The following LRRC4C variants were observed in gnomAD, a reference collection of about 807,000 sequenced individuals.
LRRC4C encodes leucine rich repeat containing 4C.
A neutral mutation model predicts 33.6 loss-of-function variants in LRRC4C; 5 were observed. The observed-to-expected ratio is 0.15, with a 90% CI of 0.08 to 0.31. The LOEUF is 0.31. Ranked by LOEUF, LRRC4C falls within the 10% of genes least tolerant of loss-of-function variation. The probability of loss-of-function intolerance (pLI) is 1.00; values close to 1 mark genes in which losing one functional copy is unlikely to be tolerated. For missense variants in LRRC4C, 560 were observed against 796.7 expected (o/e 0.70, Z 3.58); for synonymous variants, 329 against 302.0 (o/e 1.09, Z -0.93).
intron 2 of LRRC4C, among the ~76,000 whole-genome samples, chr11:40,930,614 A>G (rs1292691711): frequency 2.6e-5 from 4 of 152,168 alleles, no homozygotes; most frequent in African/African-American, 4.8e-5. Flanking sequence ...GAGACCTCCC[A>G]TCTTAAAGTG....
At chr11:41,384,788 A>G (rs1335365904) in intron 1 of LRRC4C, among the ~76,000 whole-genome samples, 2 of 149,726 alleles carry the variant, frequency 1.3e-5, no homozygotes, top group Non-Finnish European at 3.0e-5. Context: ...TTGCATATGA[A>G]TTTTAAAACT....
At chr11:40,620,793 A>G (rs1468696871) in intron 3 of LRRC4C, among the ~76,000 whole-genome samples, 2 of 151,868 alleles carry the variant, frequency 1.3e-5, no homozygotes, top group Non-Finnish European at 2.9e-5. Context: ...TTTGCATGTA[A>G]GAATCCTAAC....
chr11:40,491,720 C>A (rs2861922), intron 3 of LRRC4C, among the ~76,000 whole-genome samples: 20 of 152,030 alleles, frequency 1.3e-4, no homozygotes, highest in Admixed American at 4.6e-4. Flanking sequence ...AACGTGCTTC[C>A]TATTTAATAA....
At chr11:40,785,382 C>G (rs1045114413) in intron 2 of LRRC4C, among the ~76,000 whole-genome samples, 1 of 152,124 alleles carries the variant, frequency 6.6e-6, no homozygotes, top group Non-Finnish European at 1.5e-5. Context: ...TTGCCTAACT[C>G]TTAATTTGAT....
At chr11:40,971,366 G>A (rs955674646) in intron 1 of LRRC4C, among the ~76,000 whole-genome samples, 1 of 152,192 alleles carries the variant, frequency 6.6e-6, no homozygotes, top group Admixed American at 6.5e-5. Context: ...CCCAGATACA[G>A]TTTGAGCTAC....
At chr11:40,698,725 C>T (rs979213269) in intron 2 of LRRC4C, among the ~76,000 whole-genome samples, 1 of 152,058 alleles carries the variant, frequency 6.6e-6, no homozygotes, top group African/African-American at 2.4e-5. Flanking sequence ...TTAATAAACT[C>T]ATAGTTCCAC....
At chr11:40,385,530 A>C (rs528513910) in intron 3 of LRRC4C, among the ~76,000 whole-genome samples, 49 of 152,224 alleles carry the variant, frequency 3.2e-4, no homozygotes, top group Middle Eastern at 3.4e-3. Flanking sequence ...CAGACATTGA[A>C]GACTACTAGA....
At chr11:40,816,163 G>A (rs4611189) in intron 2 of LRRC4C, among the ~76,000 whole-genome samples, 5,267 of 152,232 alleles carry the variant, frequency 0.035, 181 homozygotes, top group African/African-American at 0.086. Flanking sequence ...AGTTTTACAC[G>A]TATTGACTAT....
At chr11:40,610,365 A>G (rs1038595895) in intron 3 of LRRC4C, among the ~76,000 whole-genome samples, 3 of 151,806 alleles carry the variant, frequency 2.0e-5, no homozygotes, top group Non-Finnish European at 4.4e-5. Flanking sequence ...GAATAATATT[A>G]CCTCAAAATA....
At chr11:41,297,593 C>G (rs1950177967) in intron 1 of LRRC4C, among the ~76,000 whole-genome samples, 1 of 151,916 alleles carries the variant, frequency 6.6e-6, no homozygotes, top group South Asian at 2.1e-4. Context: ...AAATGATATC[C>G]CTGCCCTTGC....
chr11:40,673,982 C>T (rs1258356784), intron 2 of LRRC4C, among the ~76,000 whole-genome samples: 1 of 152,168 alleles, frequency 6.6e-6, no homozygotes, highest in Admixed American at 6.5e-5. Context: ...CTTTCTTCCC[C>T]AGCAGTTACC....
At chr11:40,173,571 A>C (rs1008362710) in intron 5 of LRRC4C, among the ~76,000 whole-genome samples, 1 of 152,272 alleles carries the variant, frequency 6.6e-6, no homozygotes, top group African/African-American at 2.4e-5. Flanking sequence ...GCATCCTTTA[A>C]GCCCAATCCT....
intron 3 of LRRC4C, among the ~76,000 whole-genome samples, chr11:40,561,394 T>C (rs1230904072): frequency 6.7e-6 from 1 of 150,064 alleles, no homozygotes; most frequent in East Asian, 2.0e-4. Flanking sequence ...CTTTATTCTT[T>C]GTTCTGAGGA....
At chr11:41,266,002 T>G (rs1030806540) in intron 1 of LRRC4C, among the ~76,000 whole-genome samples, 20 of 152,218 alleles carry the variant, frequency 1.3e-4, no homozygotes, top group Admixed American at 3.9e-4. Context: ...CTTAGTTATA[T>G]CACATGGTAG....
chr11:40,380,020 G>A (rs891404841), intron 3 of LRRC4C, among the ~76,000 whole-genome samples: 7 of 152,138 alleles, frequency 4.6e-5, no homozygotes, highest in South Asian at 2.1e-4. Flanking sequence ...CCTCTCAGAC[G>A]TCTCACAGAG....
At chr11:40,904,670 G>C (rs1956342224) in intron 2 of LRRC4C, among the ~76,000 whole-genome samples, 1 of 152,078 alleles carries the variant, frequency 6.6e-6, no homozygotes, top group South Asian at 2.1e-4. Context: ...CCCCTCAAAA[G>C]GCAGGTCACT....
intron 5 of LRRC4C, among the ~76,000 whole-genome samples, chr11:40,238,274 C>G (rs922141881): frequency 4.6e-5 from 7 of 152,174 alleles, no homozygotes; most frequent in Non-Finnish European, 8.8e-5. Flanking sequence ...CTGCTCTAGC[C>G]ACTGTTTCCT....
At chr11:40,213,210 A>G (rs1274938704) in intron 5 of LRRC4C, among the ~76,000 whole-genome samples, 1 of 152,152 alleles carries the variant, frequency 6.6e-6, no homozygotes, top group Admixed American at 6.5e-5. Context: ...GTTTGGAAAT[A>G]ATGTCCACAA....
chr11:41,160,542 A>G (rs1944423924), intron 1 of LRRC4C, among the ~76,000 whole-genome samples: 1 of 152,182 alleles, frequency 6.6e-6, no homozygotes, highest in South Asian at 2.1e-4. Flanking sequence ...GACAATGGCC[A>G]TGCATACAAA....
Sources: gnomAD v4.1 joint callset for allele counts (sites outside exome capture counted in the v4.1 genomes callset) on GRCh38, gnomAD v4.1.1 for gene constraint, MANE v1.5 for transcripts, NCBI Gene and HGNC (gene_info 2026-07-23, HGNC 2026-07-21) for gene names.